CDC42SE2: variants seen among roughly 807,000 people sequenced by gnomAD.
CDC42SE2 encodes CDC42 small effector protein 2.
CDC42SE2 carries 3 observed loss-of-function variants against 11.5 expected under a neutral mutation model. The observed-to-expected ratio is 0.26, with a 90% CI of 0.12 to 0.67. CDC42SE2 has a LOEUF of 0.67. Among genes scored for constraint, CDC42SE2 ranks in the 30% least tolerant of loss-of-function variants. CDC42SE2 has a pLI of 0.80. For synonymous variants in CDC42SE2, 33 were observed against 34.8 expected (o/e 0.95, Z 0.18); for missense variants, 82 against 106.8 (o/e 0.77, Z 1.02).
At chr5:131,385,776 T>C in intron 4 of CDC42SE2, 132 bp downstream of exon 4, 1 of 524,388 alleles carries the variant, frequency 1.9e-6, no homozygotes, top group East Asian at 3.0e-5. Flanking sequence ...ATACATAATA[T>C]GAGCATAGAA....
intron 1 of CDC42SE2, among the ~76,000 whole-genome samples, chr5:131,290,131 G>A (rs970400078): frequency 1.3e-5 from 2 of 152,116 alleles, no homozygotes; most frequent in African/African-American, 4.8e-5. Context: ...ATAGGTGTGA[G>A]CTACTGTGTC....
At chr5:131,341,213 G>A (rs1457717464) in intron 2 of CDC42SE2, among the ~76,000 whole-genome samples, 1 of 152,116 alleles carries the variant, frequency 6.6e-6, no homozygotes, top group African/African-American at 2.4e-5. Context: ...CCAGTACAAT[G>A]ATGAAAAAGG....
At chr5:131,381,043 A>G (rs935575190) in intron 3 of CDC42SE2, among the ~76,000 whole-genome samples, 1 of 152,188 alleles carries the variant, frequency 6.6e-6, no homozygotes, top group African/African-American at 2.4e-5. Context: ...ACACTTGTAC[A>G]CACTGCTGAT....
At position 131,306,190 on chromosome 5, in the gene CDC42SE2, T is replaced by G. The variant is rs535435948; in HGVS notation, c.-454-9786T>G. ...CTTGTCCTGCCTGGGAAATCATCCT[T>G]TGTCCAGCATATCCATGCTGTATAT... On this transcript the variant is annotated intron_variant, in intron 1 of 4. Transcript: ENST00000505065. Among the ~76,000 whole-genome samples the G allele has an allele frequency of 8.5e-5, 13 of 152,298 alleles. No homozygotes were observed. In the East Asian group the frequency reaches 2.1e-3, roughly 25 times the overall value.
chr5:131,375,029 T>C (rs972269726), intron 3 of CDC42SE2, among the ~76,000 whole-genome samples: 6 of 136,688 alleles, frequency 4.4e-5, no homozygotes, highest in African/African-American at 8.2e-5. Context: ...GTTTCTCCCC[T>C]CCTTTTTTTT....
the CDC42SE2 span, among the ~76,000 whole-genome samples, chr5:131,237,231 A>T: frequency 6.6e-6 from 1 of 152,232 alleles, no homozygotes; most frequent in Non-Finnish European, 1.5e-5. Context: ...AAAAAGTCTA[A>T]GAGGCAGACT....
intron 2 of CDC42SE2, among the ~76,000 whole-genome samples, chr5:131,329,879 CAA>C (rs747152132): frequency 2.3e-4 from 13 of 56,620 alleles, no homozygotes; most frequent in Non-Finnish European, 4.4e-4. Context: ...AACTCCATCT[CAA>C]AAAAAAAAAA....
intron 1 of CDC42SE2, among the ~76,000 whole-genome samples, chr5:131,286,395 T>TG (rs1757341954): frequency 6.7e-6 from 1 of 149,856 alleles, no homozygotes. Flanking sequence ...GTTTTTTTTT[T>TG]TTTTTTTTTT....
intron 4 of CDC42SE2, among the ~76,000 whole-genome samples, chr5:131,388,061 A>G (rs1020665759): frequency 3.9e-5 from 6 of 151,968 alleles, no homozygotes; most frequent in African/African-American, 1.4e-4. Flanking sequence ...GCAGTGGTGC[A>G]ATCTCAGCTC....
chr5:131,385,349 T>TA (rs1188408328), intron 3 of CDC42SE2, among the ~76,000 whole-genome samples, 194 bp from the exon 4 acceptor site: 4 of 152,252 alleles, frequency 2.6e-5, no homozygotes, highest in African/African-American at 9.6e-5. Flanking sequence ...AATAACCTGT[T>TA]ATTTTGCTTT....
In CDC42SE2 at chr5:131,392,662, ATC is replaced by A. The variant is rs1398081883; in HGVS notation, c.*1573_*1574del. ...GGTGTGGTTACAGGTGTGGTTATGT[ATC>A]TGAGTGTTGCGGTCATACTCTCCTC... On this transcript the variant is annotated 3_prime_UTR_variant, in exon 5 of 5. Coordinates refer to ENST00000505065, the MANE Select transcript of CDC42SE2 (RefSeq NM_001375635.1). 2.6e-5 allele frequency: 4 copies of A among 152,482 alleles called. No individual in the cohort carries two copies. The highest frequency in any genetic ancestry group is 7.2e-5 in the African/African-American group (3 of 41,582). 9.4% of individuals were successfully genotyped at this position (152,482 alleles called of 1,614,324 possible). A position where few individuals can be genotyped will look rare whatever the true frequency, so the allele number is the denominator to read the frequency against.
intron 1 of CDC42SE2, among the ~76,000 whole-genome samples, chr5:131,308,159 A>G (rs566144249): frequency 7.9e-5 from 12 of 152,334 alleles, no homozygotes; most frequent in Non-Finnish European, 1.2e-4. Flanking sequence ...AGCTTTCTAC[A>G]TAAGGCTAGC....
chr5:131,344,926 A>T lies in CDC42SE2; in HGVS notation c.-285-14283A>T, dbSNP rs187923092. The stretch of plus-strand genomic sequence containing the variant: ...CTCCAGCAAACTCCAACAGACCTGC[A>T]GCTGAGGGTCCTGACTGTTAGAAGG... On this transcript the variant is annotated intron_variant, in intron 2 of 4. Transcript: ENST00000505065. Among the ~76,000 whole-genome samples, 272 of 152,352 alleles carry T rather than the reference A, an allele frequency of 1.8e-3. 1 individual carries two copies. Among genetic ancestry groups the T allele is most frequent in the African/African-American group, 6.3e-3 (261 of 41,578 alleles).
the CDC42SE2 span, among the ~76,000 whole-genome samples, chr5:131,238,227 G>T: frequency 1.3e-5 from 2 of 152,056 alleles, no homozygotes; most frequent in South Asian, 2.1e-4. Flanking sequence ...GCGGGGCACC[G>T]TGGCTCATGC....
upstream of CDC42SE2, among the ~76,000 whole-genome samples, chr5:131,240,949 G>T (rs1561559845): frequency 6.7e-6 from 1 of 149,130 alleles, no homozygotes; most frequent in East Asian, 2.0e-4. Flanking sequence ...GGTTTTATGG[G>T]TTTTGTTTTT....
chr5:131,363,914 C>T (rs149473208), intron 3 of CDC42SE2, among the ~76,000 whole-genome samples: 1,664 of 151,982 alleles, frequency 0.011, 23 homozygotes, highest in African/African-American at 0.037. Flanking sequence ...AGGCAGATGT[C>T]GAACTCCTGA....
intron 2 of CDC42SE2, among the ~76,000 whole-genome samples, chr5:131,333,858 T>A (rs1044945556): frequency 6.6e-6 from 1 of 152,198 alleles, no homozygotes; most frequent in African/African-American, 2.4e-5. Context: ...TTAAGGAGAT[T>A]TTGGGCTGAG....
chr5:131,316,211 C>T (rs1455125590), intron 2 of CDC42SE2, 67 bp downstream of exon 2: 2 of 152,310 alleles, frequency 1.3e-5, no homozygotes, highest in Admixed American at 6.6e-5. Flanking sequence ...AGGATGACTA[C>T]TTCTACATTC....
intron 2 of CDC42SE2, among the ~76,000 whole-genome samples, chr5:131,333,532 C>T (rs1184802414): frequency 6.6e-6 from 1 of 152,130 alleles, no homozygotes; most frequent in Non-Finnish European, 1.5e-5. Flanking sequence ...ATGGGGATGG[C>T]ATTGAATCTA....
Sources: gnomAD v4.1 joint callset for allele counts (sites outside exome capture counted in the v4.1 genomes callset) on GRCh38, gnomAD v4.1.1 for gene constraint, MANE v1.5 for transcripts, NCBI Gene and HGNC (gene_info 2026-07-23, HGNC 2026-07-21) for gene names.